Variants in GLRA2 observed in about 807,000 individuals in gnomAD.
GLRA2 encodes the protein glycine receptor alpha 2.
GLRA2 carries 11 observed loss-of-function variants against 31.6 expected under a neutral mutation model. That is an observed-to-expected ratio of 0.35 (90% CI 0.22 to 0.58). The LOEUF (loss-of-function observed/expected upper bound fraction) is 0.58. GLRA2 is among the 20% of genes least tolerant of loss of function. The pLI, the probability that GLRA2 is intolerant of heterozygous loss-of-function variation, is 0.84. For missense variants in GLRA2, 212 were observed against 351.8 expected (o/e 0.60, Z 3.18); for synonymous variants, 132 against 134.0 (o/e 0.99, Z 0.10).
intron 2 of GLRA2, among the ~76,000 whole-genome samples, chrX:14,545,591 C>G (rs1227817505): frequency 2.7e-5 from 3 of 111,721 alleles, no homozygotes. Context: ...TACACTGCAT[C>G]TTGAAGAAGA....
At chrX:14,663,421 A>G (rs773041758) in intron 7 of GLRA2, among the ~76,000 whole-genome samples, 2 of 110,606 alleles carry the variant, frequency 1.8e-5, no homozygotes, top group Admixed American at 2.0e-4. Context: ...GATGATGCTA[A>G]TTTGTTTTGT....
intron 4 of GLRA2, among the ~76,000 whole-genome samples, chrX:14,599,721 G>C (rs2147086305): frequency 8.9e-6 from 1 of 111,749 alleles, no homozygotes; most frequent in South Asian, 3.7e-4. Context: ...TTGTTAAATA[G>C]GTGAATACAG....
the GLRA2 span, among the ~76,000 whole-genome samples, chrX:14,516,295 C>T: frequency 8.9e-6 from 1 of 111,914 alleles, no homozygotes; most frequent in Non-Finnish European, 1.9e-5. Flanking sequence ...CTGTCTTTAG[C>T]ATTTAAATTT....
intron 7 of GLRA2, among the ~76,000 whole-genome samples, chrX:14,669,240 C>G (rs909988449): frequency 8.9e-6 from 1 of 112,250 alleles, no homozygotes; most frequent in Non-Finnish European, 1.9e-5. Context: ...GGCAGCTCTG[C>G]CCCTGTGGAT....
chrX:14,571,666 G>C (rs1339887527), intron 2 of GLRA2, among the ~76,000 whole-genome samples: 1 of 111,360 alleles, frequency 9.0e-6, no homozygotes, highest in African/African-American at 3.3e-5. Flanking sequence ...ACACAGCAAG[G>C]TTCAAATATA....
At chrX:14,654,666 G>A (rs1007309488) in intron 7 of GLRA2, among the ~76,000 whole-genome samples, 2 of 111,891 alleles carry the variant, frequency 1.8e-5, no homozygotes, top group African/African-American at 6.5e-5. Flanking sequence ...CCCTAAGCAT[G>A]ATGGATACTG....
intron 7 of GLRA2, among the ~76,000 whole-genome samples, chrX:14,623,133 C>A (rs1024741467): frequency 1.8e-5 from 2 of 111,158 alleles, no homozygotes; most frequent in Non-Finnish European, 3.8e-5. Flanking sequence ...AGTTCACTCA[C>A]GATTTTGCTC....
chrX:14,507,957 G>C, the GLRA2 span, among the ~76,000 whole-genome samples: 1 of 110,521 alleles, frequency 9.0e-6, no homozygotes, highest in African/African-American at 3.3e-5. Flanking sequence ...GTCTCCCAAA[G>C]TGCTGGGATT....
chrX:14,454,202 A>C, the GLRA2 span, among the ~76,000 whole-genome samples: 1,160 of 73,109 alleles, frequency 0.016, 22 homozygotes, highest in African/African-American at 0.056. Flanking sequence ...ACACACACAC[A>C]CACACACACA....
chrX:14,554,498 G>A (rs776819509), intron 2 of GLRA2, among the ~76,000 whole-genome samples: 90 of 111,711 alleles, frequency 8.1e-4, no homozygotes, highest in Non-Finnish European at 1.4e-3. Flanking sequence ...TGGCAGTGCA[G>A]TGGCCTTGAA....
intron 8 of GLRA2, among the ~76,000 whole-genome samples, chrX:14,698,323 A>G: frequency 9.0e-6 from 1 of 111,186 alleles, no homozygotes; most frequent in Non-Finnish European, 1.9e-5. Context: ...ATGAACTACT[A>G]AATTAATTTT....
intron 7 of GLRA2, among the ~76,000 whole-genome samples, chrX:14,616,856 T>A (rs964251892): frequency 8.9e-6 from 1 of 112,183 alleles, no homozygotes; most frequent in Non-Finnish European, 1.9e-5. Context: ...AGCAAATTGA[T>A]CTGCAGGCCT....
chrX:14,454,164 C>A, the GLRA2 span, among the ~76,000 whole-genome samples: 4,224 of 35,496 alleles, frequency 0.12, 286 homozygotes, highest in African/African-American at 0.39. Flanking sequence ...CTAAACACAC[C>A]CACACACACC....
At chrX:14,635,912 A>G (rs893024571) in intron 7 of GLRA2, among the ~76,000 whole-genome samples, 4 of 111,164 alleles carry the variant, frequency 3.6e-5, no homozygotes, top group African/African-American at 1.3e-4. Context: ...CTTGTGCCCT[A>G]ATAGAATCAC....
the GLRA2 span, among the ~76,000 whole-genome samples, chrX:14,466,870 A>G: frequency 1.8e-5 from 2 of 112,154 alleles, no homozygotes; most frequent in African/African-American, 6.5e-5. Flanking sequence ...GATAGACTAA[A>G]GCCATGGACT....
At chrX:14,702,444 A>C (rs1267210631) in intron 8 of GLRA2, among the ~76,000 whole-genome samples, 3 of 111,957 alleles carry the variant, frequency 2.7e-5, no homozygotes, top group Non-Finnish European at 5.6e-5. Flanking sequence ...CATTATTACT[A>C]TTTTGGTTTG....
chrX:14,482,250 T>G, the GLRA2 span, among the ~76,000 whole-genome samples: 3 of 112,167 alleles, frequency 2.7e-5, no homozygotes, highest in South Asian at 7.3e-4. Flanking sequence ...TCATTGTGTC[T>G]GGTTACATTA....
intron 7 of GLRA2, among the ~76,000 whole-genome samples, chrX:14,664,210 CTG>C (rs1346996374): frequency 1.8e-5 from 2 of 111,740 alleles, no homozygotes; most frequent in Non-Finnish European, 3.8e-5. Flanking sequence ...TTTGTAGACA[CTG>C]TGCAATTTCA....
chrX:14,695,405 C>T (rs1357722776), intron 8 of GLRA2, among the ~76,000 whole-genome samples: 1 of 111,768 alleles, frequency 8.9e-6, no homozygotes, highest in African/African-American at 3.2e-5. Context: ...ATTCACATTG[C>T]AGTGAAAGGA....
Sources: gnomAD v4.1 joint callset for allele counts (sites outside exome capture counted in the v4.1 genomes callset) on GRCh38, gnomAD v4.1.1 for gene constraint, MANE v1.5 for transcripts, NCBI Gene and HGNC (gene_info 2026-07-23, HGNC 2026-07-21) for gene names.